The following LYPLAL1 variants were observed in gnomAD, a reference collection of about 807,000 sequenced individuals.
The protein encoded by LYPLAL1 is lysophospholipase like 1, also known as lysophospholipase-like protein 1.
LYPLAL1 carries 23 observed loss-of-function variants against 19.7 expected under a neutral mutation model. The observed-to-expected ratio is 1.17, with a 90% CI of 0.84 to 1.65. The LOEUF (loss-of-function observed/expected upper bound fraction) is 1.65, where lower values mean the gene tolerates loss of function less well. Among genes scored for constraint, LYPLAL1 ranks in the 40% most tolerant of loss-of-function variants. The pLI is 0.00. For synonymous variants in LYPLAL1, 119 were observed against 96.3 expected (o/e 1.24, Z -1.38); for missense variants, 355 against 279.4 (o/e 1.27, Z -1.93).
the LYPLAL1 span, among the ~76,000 whole-genome samples, chr1:219,403,240 C>T: frequency 6.6e-6 from 1 of 152,118 alleles, no homozygotes; most frequent in Non-Finnish European, 1.5e-5. Flanking sequence ...GAGAAGTAGT[C>T]CTTGCCTTCT....
the LYPLAL1 span, among the ~76,000 whole-genome samples, chr1:219,351,411 A>C: frequency 6.6e-6 from 1 of 152,162 alleles, no homozygotes; most frequent in African/African-American, 2.4e-5. Context: ...GCACATCATC[A>C]AAGAGAAATC....
At chr1:219,192,582 A>G (rs1318352636) in intron 2 of LYPLAL1, among the ~76,000 whole-genome samples, 4 of 151,546 alleles carry the variant, frequency 2.6e-5, no homozygotes, top group African/African-American at 9.7e-5. Context: ...TGTTTATCTA[A>G]TATAGCCCCC....
the LYPLAL1 span, among the ~76,000 whole-genome samples, chr1:219,279,852 T>C: frequency 6.6e-6 from 1 of 152,142 alleles, no homozygotes; most frequent in East Asian, 1.9e-4. Context: ...TAGCCAGTCA[T>C]ATTTTAATTT....
the LYPLAL1 span, among the ~76,000 whole-genome samples, chr1:219,346,685 T>A: frequency 6.6e-6 from 1 of 152,030 alleles, no homozygotes; most frequent in Non-Finnish European, 1.5e-5. Context: ...TGGGGGAGAA[T>A]CAGAGCTTAA....
chr1:219,308,126 A>G, the LYPLAL1 span, among the ~76,000 whole-genome samples: 2 of 152,186 alleles, frequency 1.3e-5, no homozygotes, highest in African/African-American at 2.4e-5. Flanking sequence ...GATTCTTGTT[A>G]TGTTTAATGA....
the LYPLAL1 span, among the ~76,000 whole-genome samples, chr1:219,229,312 A>ATT: frequency 7.0e-6 from 1 of 143,120 alleles, no homozygotes; most frequent in Non-Finnish European, 1.5e-5. Context: ...AGAGAGAGAG[A>ATT]GAGAGAGAGA....
At chr1:219,355,929 T>C in the LYPLAL1 span, among the ~76,000 whole-genome samples, 2 of 152,122 alleles carry the variant, frequency 1.3e-5, no homozygotes, top group Non-Finnish European at 2.9e-5. Flanking sequence ...AATAAATATA[T>C]GGAACAATGC....
At chr1:219,329,755 A>G in the LYPLAL1 span, among the ~76,000 whole-genome samples, 1 of 152,104 alleles carries the variant, frequency 6.6e-6, no homozygotes, top group Admixed American at 6.6e-5. Flanking sequence ...TGCAATGAAC[A>G]ATTTTCTTTC....
At chr1:219,438,439 C>T in the LYPLAL1 span, among the ~76,000 whole-genome samples, 2 of 152,260 alleles carry the variant, frequency 1.3e-5, no homozygotes, top group African/African-American at 4.8e-5. Context: ...TTTTGTTCCT[C>T]GTGCAAAGTA....
chr1:219,432,377 A>G, the LYPLAL1 span, among the ~76,000 whole-genome samples: 135 of 150,848 alleles, frequency 8.9e-4, no homozygotes, highest in African/African-American at 2.7e-3. Context: ...TTCCTCCAAA[A>G]TGAATTCAGA....
At chr1:219,177,012 G>A (rs1237710404) in intron 1 of LYPLAL1, among the ~76,000 whole-genome samples, 2 of 152,218 alleles carry the variant, frequency 1.3e-5, no homozygotes, top group Non-Finnish European at 2.9e-5. Flanking sequence ...AGCAGGATAA[G>A]GGGATTCTTC....
rs1165910687 is a variant in LYPLAL1, at chr1:219,211,763, T to C, written c.*35T>C. 1 of 1,401,062 alleles carries C rather than the reference T, an allele frequency of 7.1e-7. No individual in the cohort carries two copies. Among genetic ancestry groups the C allele is most frequent in the African/African-American group, 1.4e-5 (1 of 69,394 alleles). 86.8% of individuals were successfully genotyped at this position (1,401,062 alleles called of 1,614,324 possible). On this transcript the variant is annotated 3_prime_UTR_variant, in exon 5 of 5. Transcript: ENST00000366928. ...GAGTGATTTGTTAATGTAAGTGTAA[T>C]GTCTTTGTGAAAAGTGATTTTTACT...
chr1:219,205,807 T>TA (rs1340988169), intron 3 of LYPLAL1, among the ~76,000 whole-genome samples: 5 of 152,342 alleles, frequency 3.3e-5, no homozygotes, highest in African/African-American at 1.2e-4. Context: ...TTTGAACATA[T>TA]ATGTATTTTA....
the LYPLAL1 span, among the ~76,000 whole-genome samples, chr1:219,389,219 A>G: frequency 2.0e-5 from 3 of 152,198 alleles, no homozygotes; most frequent in Non-Finnish European, 4.4e-5. Flanking sequence ...CATTACTAAC[A>G]TGCATTTGTC....
At chr1:219,256,277 G>C in the LYPLAL1 span, among the ~76,000 whole-genome samples, 1 of 151,796 alleles carries the variant, frequency 6.6e-6, no homozygotes, top group Non-Finnish European at 1.5e-5. Context: ...ATTAGTGCCA[G>C]GAATGTGTGG....
chr1:219,337,642 G>A, the LYPLAL1 span, among the ~76,000 whole-genome samples: 1 of 151,958 alleles, frequency 6.6e-6, no homozygotes, highest in Non-Finnish European at 1.5e-5. Flanking sequence ...GACTGTGGCT[G>A]ATCAAAATTA....
the LYPLAL1 span, among the ~76,000 whole-genome samples, chr1:219,246,287 C>T: frequency 6.6e-6 from 1 of 152,048 alleles, no homozygotes; most frequent in Admixed American, 6.6e-5. Context: ...AGTGATACTG[C>T]AGGATCCTCT....
the LYPLAL1 span, among the ~76,000 whole-genome samples, chr1:219,346,501 C>T: frequency 2.2e-4 from 30 of 136,602 alleles, no homozygotes; most frequent in African/African-American, 6.8e-4. Context: ...AACATCAGTT[C>T]TATGGGAAAA....
the LYPLAL1 span, among the ~76,000 whole-genome samples, chr1:219,255,521 T>G: frequency 3.9e-5 from 6 of 151,960 alleles, no homozygotes; most frequent in Non-Finnish European, 4.4e-5. Flanking sequence ...GGGTTTTCTA[T>G]GTTTAAAATC....
Sources: gnomAD v4.1 joint callset for allele counts (sites outside exome capture counted in the v4.1 genomes callset) on GRCh38, gnomAD v4.1.1 for gene constraint, MANE v1.5 for transcripts, NCBI Gene and HGNC (gene_info 2026-07-23, HGNC 2026-07-21) for gene names.